The following ANKS1B variants were observed in gnomAD, a reference collection of about 807,000 sequenced individuals.
The protein encoded by ANKS1B is ankyrin repeat and sterile alpha motif domain-containing protein 1B.
Under a neutral mutation model 148.3 loss-of-function variants are expected in ANKS1B, and 36 were observed. The observed-to-expected ratio is 0.24, with a 90% CI of 0.19 to 0.32. The LOEUF (loss-of-function observed/expected upper bound fraction) is 0.32. ANKS1B is among the 10% of genes least tolerant of loss of function. The pLI, the probability that ANKS1B is intolerant of heterozygous loss-of-function variation, is 1.00. For missense variants in ANKS1B, 1,157 were observed against 1,542.6 expected (o/e 0.75, Z 4.19); for synonymous variants, 542 against 560.8 (o/e 0.97, Z 0.47).
chr12:99,563,756 C>T (rs193028414), intron 9 of ANKS1B, among the ~76,000 whole-genome samples: 1 of 152,246 alleles, frequency 6.6e-6, no homozygotes, highest in African/African-American at 2.4e-5. Context: ...AAAAGACTGT[C>T]ATTACCTATG....
At chr12:99,585,370 A>G (rs906195944) in intron 9 of ANKS1B, among the ~76,000 whole-genome samples, 1 of 152,254 alleles carries the variant, frequency 6.6e-6, no homozygotes, top group Non-Finnish European at 1.5e-5. Context: ...ATGGCCTTGG[A>G]CAGCTCCGCC....
At chr12:99,851,455 T>C (rs1284786225) in intron 1 of ANKS1B, among the ~76,000 whole-genome samples, 1 of 152,160 alleles carries the variant, frequency 6.6e-6, no homozygotes, top group Non-Finnish European at 1.5e-5. Context: ...ATATGTCTAC[T>C]GTTCCATTTC....
At chr12:99,291,244 C>G (rs1566821824) in intron 12 of ANKS1B, among the ~76,000 whole-genome samples, 1 of 151,680 alleles carries the variant, frequency 6.6e-6, no homozygotes, top group Non-Finnish European at 1.5e-5. Context: ...AGAGGACACA[C>G]AAAAAAATGG....
intron 17 of ANKS1B, among the ~76,000 whole-genome samples, chr12:98,881,390 TG>T (rs1380258208): frequency 6.6e-6 from 1 of 152,164 alleles, no homozygotes; most frequent in African/African-American, 2.4e-5. Context: ...ATTATTAAAG[TG>T]CAATTTTCCA....
At chr12:99,044,112 T>C (rs969607750) in intron 17 of ANKS1B, among the ~76,000 whole-genome samples, 6 of 152,240 alleles carry the variant, frequency 3.9e-5, no homozygotes, top group African/African-American at 1.4e-4. Context: ...TTTTGTATTT[T>C]CTATACTATA....
intron 15 of ANKS1B, among the ~76,000 whole-genome samples, chr12:99,142,672 G>A (rs1424227396): frequency 3.3e-5 from 5 of 152,032 alleles, no homozygotes; most frequent in Admixed American, 3.3e-4. Context: ...ATTTGATATA[G>A]TGTTCTTCTT....
chr12:99,320,092 T>C (rs974250918), intron 12 of ANKS1B, among the ~76,000 whole-genome samples: 1 of 152,246 alleles, frequency 6.6e-6, no homozygotes, highest in Non-Finnish European at 1.5e-5. Context: ...CCTTTGTGGG[T>C]AACCTGCCCT....
At chr12:99,476,328 G>C (rs1031944560) in intron 10 of ANKS1B, among the ~76,000 whole-genome samples, 2 of 152,124 alleles carry the variant, frequency 1.3e-5, no homozygotes, top group African/African-American at 4.8e-5. Flanking sequence ...GGGAGGTGCA[G>C]GTTGCAGTGA....
chr12:98,800,597 G>A (rs1482386446), intron 21 of ANKS1B, among the ~76,000 whole-genome samples: 1 of 150,848 alleles, frequency 6.6e-6, no homozygotes, highest in Non-Finnish European at 1.5e-5. Flanking sequence ...TCCTATTGAT[G>A]ACAGTGAAAA....
chr12:98,803,681 A>G (rs2099025118), intron 20 of ANKS1B, among the ~76,000 whole-genome samples: 1 of 152,140 alleles, frequency 6.6e-6, no homozygotes, highest in Non-Finnish European at 1.5e-5. Flanking sequence ...TGGTGCCATG[A>G]GTTGCAGGGC....
At chr12:99,097,799 T>G (rs1404859794) in intron 15 of ANKS1B, among the ~76,000 whole-genome samples, 1 of 152,198 alleles carries the variant, frequency 6.6e-6, no homozygotes, top group Non-Finnish European at 1.5e-5. Context: ...AACTGAGCCA[T>G]GAAAGGGCTA....
intron 14 of ANKS1B, among the ~76,000 whole-genome samples, chr12:99,162,511 G>A (rs565474459): frequency 4.6e-5 from 7 of 151,736 alleles, no homozygotes; most frequent in African/African-American, 1.7e-4. Flanking sequence ...TTCTTCTTTA[G>A]TTTTCTTGGT....
intron 17 of ANKS1B, among the ~76,000 whole-genome samples, chr12:98,920,193 T>C (rs943933811): frequency 6.6e-5 from 10 of 152,346 alleles, no homozygotes; most frequent in African/African-American, 2.4e-4. Context: ...TCACATGGCA[T>C]TCTCTGTAAA....
intron 17 of ANKS1B, among the ~76,000 whole-genome samples, chr12:98,911,739 G>A (rs2099787138): frequency 6.6e-6 from 1 of 152,140 alleles, no homozygotes; most frequent in South Asian, 2.1e-4. Context: ...TAACAACCCT[G>A]TGTATGCACC....
At chr12:98,889,626 G>A (rs374529817) in intron 17 of ANKS1B, among the ~76,000 whole-genome samples, 2 of 152,216 alleles carry the variant, frequency 1.3e-5, no homozygotes, top group Admixed American at 6.5e-5. Flanking sequence ...GATTATAGGC[G>A]TGAGCCACCA....
At chr12:99,936,783 C>A (rs1289891449) in intron 1 of ANKS1B, among the ~76,000 whole-genome samples, 1 of 152,130 alleles carries the variant, frequency 6.6e-6, no homozygotes, top group Non-Finnish European at 1.5e-5. Flanking sequence ...ACTTTTGTGA[C>A]CTTGCATAAA....
chr12:99,234,333 G>T (rs1601908583), intron 14 of ANKS1B, among the ~76,000 whole-genome samples: 1 of 152,098 alleles, frequency 6.6e-6, no homozygotes, highest in Middle Eastern at 3.2e-3. Flanking sequence ...TTCTTTCTGT[G>T]CCAGGGTACT....
intron 9 of ANKS1B, among the ~76,000 whole-genome samples, chr12:99,633,300 G>T (rs552946095): frequency 1.3e-5 from 2 of 152,010 alleles, no homozygotes; most frequent in South Asian, 4.2e-4. Flanking sequence ...ACAGACCAAC[G>T]GAACAGAACA....
chr12:99,527,154 A>G (rs1289973202), intron 9 of ANKS1B, among the ~76,000 whole-genome samples: 1 of 152,202 alleles, frequency 6.6e-6, no homozygotes, highest in East Asian at 1.9e-4. Flanking sequence ...CTGTTAAGGT[A>G]TGCAGTTTGT....
Sources: allele counts gnomAD v4.1 joint callset (sites outside exome capture counted in the v4.1 genomes callset), GRCh38; gene constraint gnomAD v4.1.1; transcripts MANE v1.5; gene names NCBI Gene and HGNC (gene_info 2026-07-23, HGNC 2026-07-21).